COG1: variants seen among roughly 807,000 people sequenced by gnomAD.
The protein encoded by COG1 is component of oligomeric golgi complex 1, also known as conserved oligomeric Golgi complex subunit 1.
Under a neutral mutation model 102.2 loss-of-function variants are expected in COG1, and 61 were observed. That is an observed-to-expected ratio of 0.60 (90% confidence interval 0.49 to 0.74). COG1 has a LOEUF of 0.74. Ranked by LOEUF, COG1 falls within the 30% of genes least tolerant of loss-of-function variation. The pLI is 0.00. For synonymous variants in COG1, 454 were observed against 493.6 expected, an observed-to-expected ratio of 0.92 and a Z score of 1.06; for missense variants, 1,164 against 1,232.1, an observed-to-expected ratio of 0.94 and a Z score of 0.83.
At chr17:73,207,442 A>C in intron 13 of COG1, 186 bp downstream of exon 13, 1 of 721,126 alleles carries the variant, frequency 1.4e-6, no homozygotes, top group Non-Finnish European at 2.4e-6. Context: ...GAAGGTGTAA[A>C]AGATGCCCGC....
chr17:73,197,755 G>C (rs771735236), intron 4 of COG1, among the ~76,000 whole-genome samples: 2 of 152,214 alleles, frequency 1.3e-5, no homozygotes, highest in Non-Finnish European at 2.9e-5. Flanking sequence ...GCAAGCAACA[G>C]GCTTTCAGGC....
chr17:73,196,362 C>CT (rs2061324943), intron 1 of COG1, 145 bp from the exon 2 acceptor site: 1 of 1,194,526 alleles, frequency 8.4e-7, no homozygotes, highest in South Asian at 1.2e-5. Flanking sequence ...CTACACTGGG[C>CT]TTTGATGACT....
At position 73,208,463 on chromosome 17, in the gene COG1, A is replaced by C. The variant is rs756461151; in HGVS notation, c.*12A>C. ...GTATGACTAAGTAACATGGCAACAC[A>C]TCTGTCTCTCCCTAAATAAATACTA... is the stretch of plus-strand genomic sequence containing the variant. On this transcript the variant is annotated 3_prime_UTR_variant, in exon 14 of 14. Transcript: ENST00000299886. The C allele has an allele frequency of 5.0e-6, 8 of 1,613,502 alleles. No individual in the cohort carries two copies. The South Asian group carries it at 8.8e-5, about 18-fold the overall frequency.
intron 12 of COG1, 101 bp downstream of exon 12, chr17:73,206,918 T>C (rs907586098): frequency 4.6e-6 from 4 of 876,328 alleles, no homozygotes; most frequent in Non-Finnish European, 7.4e-6. Context: ...GGTGAAACCC[T>C]GTCTCTACTA....
At chr17:73,203,599 A>G in intron 8 of COG1, 33 bp from the exon 9 acceptor site, 1 of 1,613,666 alleles carries the variant, frequency 6.2e-7, no homozygotes, top group Non-Finnish European at 8.5e-7. Context: ...AATTGGTGCA[A>G]GTTGGCAATG....
Position 73,201,198 on chromosome 17 carries a change from C to A in COG1, c.1371C>A (p.Ser457Arg), listed in dbSNP as rs1203568540. The stretch of plus-strand genomic sequence containing the variant: ...TGCAGGAACTTGAAAGCAGCACCAG[C>A]AACTCCCCTTCAAATAAGCACATCC... Reference protein sequence around the residue: ...SALQELESSTSNSPSNKHIHF... With the variant: ...SALQELESSTRNSPSNKHIHF... The change falls in exon 7 of 14, where the codon AGC becomes AGA. Residue 457 changes from serine (S) to arginine (R), a missense_variant. Ser to Arg is a moderately radical substitution (Grantham distance 110). Coordinates refer to ENST00000299886, the MANE Select transcript of COG1 (RefSeq NM_018714.3). The A allele has an allele frequency of 6.2e-7, 1 of 1,614,178 alleles. No individual in the cohort carries two copies. Among genetic ancestry groups the A allele is most frequent in the East Asian group, 2.2e-5 (1 of 44,882 alleles).
In COG1 at chr17:73,203,089, T is replaced by C; in HGVS notation, c.2163T>C (p.Ile721=). 1 of 1,614,156 alleles carries C rather than the reference T, an allele frequency of 6.2e-7. No homozygotes were observed. Among genetic ancestry groups the C allele is most frequent in the Non-Finnish European group, 8.5e-7 (1 of 1,180,026 alleles). ...ATATSWDELE[I]QEEAESGSSV... ...CCACCAGCTGGGATGAGCTAGAAAT[T>C]CAGGAGGAGGCAGAGTCTGGCAGCA... Residue 721 remains isoleucine, a synonymous_variant, in exon 8 of 14, where the codon ATT becomes ATC. Transcript: ENST00000299886.
intron 12 of COG1, 36 bp downstream of exon 12, chr17:73,206,853 G>A (rs201339431): frequency 2.2e-5 from 31 of 1,434,066 alleles, no homozygotes; most frequent in East Asian, 6.8e-5. Context: ...GGGGCACTTC[G>A]GGAGGCCAAG....
intron 1 of COG1, among the ~76,000 whole-genome samples, chr17:73,194,373 C>T (rs2061316662): frequency 1.5e-5 from 2 of 129,864 alleles, no homozygotes; most frequent in Non-Finnish European, 1.6e-5. Context: ...ACCCGGGAGG[C>T]GGAGCTTGCA....
intron 13 of COG1, 28 bp downstream of exon 13, chr17:73,207,284 C>T (rs372555370): frequency 1.2e-4 from 188 of 1,607,906 alleles, no homozygotes; most frequent in Non-Finnish European, 1.5e-4. Flanking sequence ...GAGGCTCATC[C>T]GTGGATGGGT....
chr17:73,206,864 G>A, intron 12 of COG1, 47 bp downstream of exon 12: 3 of 1,321,420 alleles, frequency 2.3e-6, no homozygotes, highest in South Asian at 1.2e-5. Flanking sequence ...GGAGGCCAAG[G>A]TGGACGGATC....
Position 73,196,523 on chromosome 17 carries a change from A to C in COG1, c.332A>C (p.Gln111Pro). The C allele has an allele frequency of 6.2e-7, 1 of 1,614,156 alleles. No homozygotes were observed. Among genetic ancestry groups the C allele is most frequent in the Non-Finnish European group, 8.5e-7 (1 of 1,180,038 alleles). Residue 111 changes from glutamine to proline, a missense_variant, in exon 2 of 14, where the codon CAG becomes CCG. Physicochemically the swap from Gln to Pro is moderately conservative, Grantham distance 76. Transcript: ENST00000299886. ...CCCCTGCAGCCACAGCAGCCATCCCAGGAGAAGTTCTACAGCATGGCTGCC... is the reference window on the plus strand; with the variant it reads ...CCCCTGCAGCCACAGCAGCCATCCCCGGAGAAGTTCTACAGCATGGCTGCC... The part of the protein sequence containing the change: ...PRAQQPQQPS[Q>P]EKFYSMAAQI...
chr17:73,206,638 C>A, intron 11 of COG1, 70 bp from the exon 12 acceptor site: 1 of 820,274 alleles, frequency 1.2e-6, no homozygotes, highest in Admixed American at 2.1e-5. Flanking sequence ...GGTGACTAAC[C>A]TTTTTTTTTT....
intron 6 of COG1, 24 bp downstream of exon 6, chr17:73,200,800 T>C (rs369542212): frequency 3.3e-5 from 52 of 1,598,810 alleles, no homozygotes; most frequent in Non-Finnish European, 4.3e-5. Context: ...TCACATGGTC[T>C]ACCTGTTTTA....
At position 73,208,345 on chromosome 17, in the gene COG1, A is replaced by G. The variant is rs1288680572; in HGVS notation, c.2837A>G (p.Asp946Gly). The G allele has an allele frequency of 2.5e-6, 4 of 1,614,060 alleles. No homozygotes were observed. The highest frequency in any genetic ancestry group is 1.7e-5 in the Admixed American group (1 of 60,016). Reference protein sequence around the residue: ...VVPPARSTAGDPTVPGSLFRQ... With the variant: ...VVPPARSTAGGPTVPGSLFRQ... ...CCCCCGGCACGCTCCACAGCTGGTG[A>G]CCCGACAGTTCCTGGCTCCTTGTTC... is the stretch of plus-strand genomic sequence containing the variant. Residue 946 changes from aspartate (D) to glycine (G), a missense_variant, in exon 14 of 14, where the codon GAC becomes GGC. By Grantham distance (94) the Asp-to-Gly change is moderately conservative. Coordinates refer to ENST00000299886, the MANE Select transcript of COG1 (RefSeq NM_018714.3).
In COG1 at chr17:73,208,316, TGTCCCCCCGGCACGCTCCACAGCTG is replaced by T; in HGVS notation, c.2811_2835del (p.Pro938ThrfsTer33). On this transcript the variant is annotated frameshift_variant, in exon 14 of 14. Coordinates refer to ENST00000299886, the MANE Select transcript of COG1 (RefSeq NM_018714.3). LOFTEE classifies it high-confidence loss of function. ...CTTTTCTCTACATCCAATGGCAGGTTGTCCCCCCGGCACGCTCCACAGCTGGTGACCCGACAGTTCCTGGCTCCTT... is the reference window on the plus strand; with the variant it reads ...CTTTTCTCTACATCCAATGGCAGGTTGTGACCCGACAGTTCCTGGCTCCTT... The T allele has an allele frequency of 6.2e-7, 1 of 1,613,520 alleles. No homozygotes were observed. Among genetic ancestry groups the T allele is most frequent in the Non-Finnish European group, 8.5e-7 (1 of 1,180,006 alleles).
In COG1 at chr17:73,200,775, A is replaced by T; in HGVS notation, c.1280A>T (p.Gln427Leu). The change falls in exon 6 of 14, where the codon CAG becomes CTG. Residue 427 changes from glutamine to leucine, a missense_variant and splice_region_variant. Physicochemically the swap from Gln to Leu is moderately radical, Grantham distance 113. Transcript: ENST00000299886. ...MMQQLFLDRL[Q>L]TLTKEGFDSI... ...CAGCAACTGTTCCTTGACCGATTAC[A>T]GGTGAGCTGGACAGTCACATGGTCT... is the stretch of plus-strand genomic sequence containing the variant. 1.9e-6 allele frequency: 3 copies of T among 1,613,786 alleles called. No individual in the cohort carries two copies. Among genetic ancestry groups the T allele is most frequent in the Non-Finnish European group, 2.5e-6 (3 of 1,179,700 alleles).
rs747481588 is a variant in COG1, at chr17:73,206,711, C to T, written c.2623C>T (p.Leu875=). The T allele has an allele frequency of 6.3e-6, 10 of 1,583,738 alleles. No individual in the cohort carries two copies. Among genetic ancestry groups the T allele is most frequent in the Non-Finnish European group, 7.7e-6 (9 of 1,164,060 alleles). ...TGCTCCACCTCTTGTCTGCCAGGTTCTGTTTGGATTGGTGACTGGTACAGA... is the reference window on the plus strand; with the variant it reads ...TGCTCCACCTCTTGTCTGCCAGGTTTTGTTTGGATTGGTGACTGGTACAGA... ...LHRLVQRTSV[L]FGLVTGTENQ... is the part of the protein sequence containing the mutation. The change falls in exon 12 of 14, where the codon CTG becomes TTG. Residue 875 remains leucine, a synonymous_variant. Transcript: ENST00000299886.
At position 73,197,051 on chromosome 17, in the gene COG1, A is replaced by G. The variant is rs374763796; in HGVS notation, c.712A>G (p.Ile238Val). The change falls in exon 3 of 14, where the codon ATT becomes GTT. Residue 238 changes from isoleucine to valine, a missense_variant. Transcript: ENST00000299886. Reference protein sequence around the residue: ...TDFLLARKATIQKLLNQPHHG... With the variant: ...TDFLLARKATVQKLLNQPHHG... Reference sequence around the variant, plus strand: ...CTTCCTGCTGGCCAGAAAGGCAACTATTCAGAAACTTCTCAACCAGCCACA... The same window carrying G: ...CTTCCTGCTGGCCAGAAAGGCAACTGTTCAGAAACTTCTCAACCAGCCACA... The G allele has an allele frequency of 1.3e-5, 21 of 1,614,064 alleles. No individual in the cohort carries two copies. Among genetic ancestry groups the G allele is most frequent in the Non-Finnish European group, 1.8e-5 (21 of 1,180,042 alleles).
Sources: gnomAD v4.1 joint callset for allele counts (sites outside exome capture counted in the v4.1 genomes callset) on GRCh38, gnomAD v4.1.1 for gene constraint, MANE v1.5 for transcripts, NCBI Gene and HGNC (gene_info 2026-07-23, HGNC 2026-07-21) for gene names.